Variants in PPP4R3A observed in about 807,000 individuals in gnomAD.
PPP4R3A encodes the protein protein phosphatase 4 regulatory subunit 3A, also known as serine/threonine-protein phosphatase 4 regulatory subunit 3A.
PPP4R3A carries 15 observed loss-of-function variants against 91.7 expected under a neutral mutation model. That is an observed-to-expected ratio of 0.16 (90% CI 0.11 to 0.25). PPP4R3A has a LOEUF of 0.25. Among genes scored for constraint, PPP4R3A ranks in the 10% least tolerant of loss-of-function variants. The probability of loss-of-function intolerance (pLI) is 1.00; values close to 1 mark genes in which losing one functional copy is unlikely to be tolerated. For synonymous variants in PPP4R3A, 377 were observed against 348.7 expected (o/e 1.08, Z -0.91); for missense variants, 623 against 998.4 (o/e 0.62, Z 5.07).
chr14:91,499,244 G>A (rs926012946), intron 1 of PPP4R3A, among the ~76,000 whole-genome samples: 6 of 151,824 alleles, frequency 4.0e-5, no homozygotes, highest in South Asian at 2.1e-4. Context: ...CAGCCTGGGC[G>A]ACAGAGCGAG....
At position 91,470,918 on chromosome 14, in the gene PPP4R3A, T is replaced by C; in HGVS notation, c.1579A>G (p.Ile527Val). Residue 527 changes from isoleucine to valine, a missense_variant, in exon 10 of 15, where the codon ATA (isoleucine) becomes GTA (valine). Physicochemically the swap from Ile to Val is conservative, Grantham distance 29. Around this residue, in one of 5 missense-constraint regions of PPP4R3A, gnomAD observed 87 missense variants for 233.9 expected, o/e 0.37. Coordinates refer to ENST00000554943, the MANE Select transcript of PPP4R3A (RefSeq NM_001366432.2). The stretch of plus-strand genomic sequence containing the variant: ...TCCTTATTAATAATGTAGTTCTTTA[T>C]GTGGTAGGTATGGTGCTCCACACAA... ...TFCVEHHTYH[I>V]KNYIINKDIL... 1 of 1,612,586 alleles carries C rather than the reference T, an allele frequency of 6.2e-7. No individual in the cohort carries two copies. The highest frequency in any genetic ancestry group is 8.5e-7 in the Non-Finnish European group (1 of 1,179,780).
intron 14 of PPP4R3A, 125 bp from the exon 15 acceptor site, chr14:91,458,994 G>A: frequency 9.0e-7 from 1 of 1,116,138 alleles, no homozygotes; most frequent in South Asian, 1.7e-5. Context: ...CTGGGTGGTG[G>A]GACTGTGTTA....
intron 5 of PPP4R3A, 80 bp downstream of exon 5, chr14:91,476,829 T>G: frequency 8.1e-7 from 1 of 1,232,264 alleles, no homozygotes. Context: ...CCTCCCAAAG[T>G]GCTGGGATTT....
chr14:91,508,901 TAA>T (rs1442549502), intron 1 of PPP4R3A, among the ~76,000 whole-genome samples: 2 of 152,170 alleles, frequency 1.3e-5, no homozygotes, highest in Non-Finnish European at 2.9e-5. Flanking sequence ...TGCATTACTA[TAA>T]AAAAGACAAC....
At position 91,510,003 on chromosome 14, in the gene PPP4R3A, C is replaced by G. The variant is rs954837645; in HGVS notation, c.-356G>C. Reference sequence around the variant, plus strand: ...GCTCCCGCCTCCGCCATGATCTCCGCGAAGCAGCTTCCCGCGCCGCCGCCG... The same window carrying G: ...GCTCCCGCCTCCGCCATGATCTCCGGGAAGCAGCTTCCCGCGCCGCCGCCG... On this transcript the variant is annotated 5_prime_UTR_variant, in exon 1 of 15. Transcript: ENST00000554943. 4.1e-6 allele frequency: 4 copies of G among 972,142 alleles called. No individual in the cohort carries two copies. The African/African-American group carries it at 7.0e-5, about 17-fold the overall frequency. 60.2% of individuals were successfully genotyped at this position (972,142 alleles called of 1,614,324 possible).
chr14:91,487,949 G>C (rs1448095812), intron 2 of PPP4R3A, among the ~76,000 whole-genome samples: 4 of 152,160 alleles, frequency 2.6e-5, no homozygotes, highest in Non-Finnish European at 5.9e-5. Flanking sequence ...CTGGGCTCTA[G>C]AAGTGCTAGA....
At chr14:91,468,616 C>T (rs1017302218) in intron 10 of PPP4R3A, among the ~76,000 whole-genome samples, 3 of 119,624 alleles carry the variant, frequency 2.5e-5, no homozygotes, top group East Asian at 2.7e-4. Flanking sequence ...TGCAGTGAGC[C>T]GAGATCGTAC....
intron 1 of PPP4R3A, among the ~76,000 whole-genome samples, chr14:91,495,177 T>C (rs1454132248): frequency 1.3e-5 from 2 of 152,024 alleles, no homozygotes; most frequent in African/African-American, 2.4e-5. Context: ...AACAGATAAA[T>C]TCAATGTGGC....
At chr14:91,505,435 G>A (rs1346171434) in intron 1 of PPP4R3A, among the ~76,000 whole-genome samples, 2 of 125,694 alleles carry the variant, frequency 1.6e-5, no homozygotes, top group African/African-American at 6.1e-5. Context: ...GGATGACAGA[G>A]ATTCTGCCTA....
chr14:91,507,993 G>A (rs11624910), intron 1 of PPP4R3A, among the ~76,000 whole-genome samples: 132,873 of 152,108 alleles, frequency 0.87, 58,237 homozygotes, highest in East Asian at 0.96. Flanking sequence ...AGAAATCTAC[G>A]GATACTTTCA....
At chr14:91,500,751 G>T (rs112245576) in intron 1 of PPP4R3A, among the ~76,000 whole-genome samples, 532 of 152,296 alleles carry the variant, frequency 3.5e-3, no homozygotes, top group Non-Finnish European at 5.9e-3. Context: ...GCCAGGCATG[G>T]TGGCTCATTA....
chr14:91,464,263 G>C (rs1888340433), intron 11 of PPP4R3A, among the ~76,000 whole-genome samples: 1 of 152,142 alleles, frequency 6.6e-6, no homozygotes, highest in Non-Finnish European at 1.5e-5. Context: ...GGAAGGCGCA[G>C]TGAGTCGAGA....
chr14:91,509,764 CTGCCGCCGCTGGGCGCCGCGG>C lies in PPP4R3A; in HGVS notation c.-138_-118del. ...GCGAGCGGAGGGCTCCCCGGCCTCA[CTGCCGCCGCTGGGCGCCGCGG>C]GGCCGCGCCGCCGCCTGCATGGCCC... On this transcript the variant is annotated 5_prime_UTR_variant, in exon 1 of 15. Transcript: ENST00000554943. 3 of 1,299,074 alleles carry C rather than the reference CTGCCGCCGCTGGGCGCCGCGG, an allele frequency of 2.3e-6. No homozygotes were observed. The highest frequency in any genetic ancestry group is 2.9e-6 in the Non-Finnish European group (3 of 1,028,504). 80.5% of individuals were successfully genotyped at this position (1,299,074 alleles called of 1,614,324 possible).
intron 7 of PPP4R3A, chr14:91,474,691 T>C (rs959114690): frequency 1.9e-4 from 29 of 151,922 alleles, no homozygotes; most frequent in African/African-American, 6.3e-4. Flanking sequence ...GGAGCAATCA[T>C]AGCTCACTGC....
At position 91,490,892 on chromosome 14, in the gene PPP4R3A, T is replaced by A. The variant is rs10131200; in HGVS notation, c.143-90A>T. 335,235 of 445,290 alleles carry A rather than the reference T, an allele frequency of 0.75. 119,170 individuals are homozygous for A. Among genetic ancestry groups the A allele is most frequent in the East Asian group, 0.89 (19,005 of 21,284 alleles). The allele number at this position is 445,290 out of a possible 1,614,324, so 27.6% of individuals were successfully genotyped here. On this transcript the variant is annotated intron_variant, in intron 1 of 14. Transcript: ENST00000554943. The stretch of plus-strand genomic sequence containing the variant: ...TACACACATATTTCCTTAAAAAAAA[T>A]AATAATAATTTTTTTTTTTTTTTTT...
chr14:91,468,053 C>T (rs1299878986), intron 10 of PPP4R3A, among the ~76,000 whole-genome samples: 1 of 152,090 alleles, frequency 6.6e-6, no homozygotes, highest in Non-Finnish European at 1.5e-5. Context: ...AAAGCTTGTT[C>T]CTAATGACAG....
At chr14:91,486,080 G>C (rs891301684) in intron 2 of PPP4R3A, among the ~76,000 whole-genome samples, 5 of 152,098 alleles carry the variant, frequency 3.3e-5, no homozygotes, top group Non-Finnish European at 5.9e-5. Flanking sequence ...GGAAATCTAA[G>C]CATAAAATAG....
At chr14:91,499,591 G>A (rs769542938) in intron 1 of PPP4R3A, among the ~76,000 whole-genome samples, 1 of 151,916 alleles carries the variant, frequency 6.6e-6, no homozygotes, top group Non-Finnish European at 1.5e-5. Flanking sequence ...GAAAGGCCAA[G>A]GCGGGCGGAT....
intron 14 of PPP4R3A, among the ~76,000 whole-genome samples, chr14:91,460,330 G>T (rs1467663616): frequency 6.6e-6 from 1 of 151,358 alleles, no homozygotes; most frequent in African/African-American, 2.4e-5. Flanking sequence ...GCTTTATTTC[G>T]ATGCTAAGGG....
Sources: gnomAD v4.1 joint callset for allele counts (sites outside exome capture counted in the v4.1 genomes callset) on GRCh38, gnomAD v4.1.1 for gene constraint, gnomAD v4.1.1 regional missense constraint, MANE v1.5 for transcripts, NCBI Gene and HGNC (gene_info 2026-07-23, HGNC 2026-07-21) for gene names.